The following RAI2 variants were observed in gnomAD, a reference collection of about 807,000 sequenced individuals.
RAI2 encodes the protein retinoic acid induced 2.
In RAI2, 5 loss-of-function variants were observed where a neutral mutation model predicts 15.3. That is an observed-to-expected ratio of 0.33 (90% confidence interval 0.17 to 0.69). The LOEUF (loss-of-function observed/expected upper bound fraction) is 0.69. RAI2 is among the 30% of genes least tolerant of loss of function. The pLI is 0.69. For synonymous variants in RAI2, 191 were observed against 184.0 expected (o/e 1.04, Z -0.31); for missense variants, 424 against 424.7 (o/e 1.00, Z 0.01).
chrX:17,820,085 A>C (rs753674612), intron 1 of RAI2, among the ~76,000 whole-genome samples: 2 of 111,814 alleles, frequency 1.8e-5, no homozygotes, highest in Non-Finnish European at 3.8e-5. Context: ...TGGAGAGGGG[A>C]GCTGCAGTGA....
chrX:17,850,982 C>T (rs186484182), intron 1 of RAI2, among the ~76,000 whole-genome samples: 77 of 112,724 alleles, frequency 6.8e-4, no homozygotes, highest in African/African-American at 2.4e-3. Flanking sequence ...AAATCCTGTC[C>T]GATACAGGCA....
intron 1 of RAI2, among the ~76,000 whole-genome samples, chrX:17,820,436 T>C (rs1340352214): frequency 4.5e-5 from 5 of 111,973 alleles, no homozygotes; most frequent in Non-Finnish European, 1.9e-5. Flanking sequence ...TGTGGGTCTC[T>C]GGGATGCGGC....
intron 1 of RAI2, among the ~76,000 whole-genome samples, chrX:17,837,989 C>A (rs1648375859): frequency 8.9e-6 from 1 of 112,009 alleles, no homozygotes; most frequent in African/African-American, 3.2e-5. Flanking sequence ...AGATACTACA[C>A]AGCAATAAAA....
intron 1 of RAI2, among the ~76,000 whole-genome samples, chrX:17,811,844 T>G (rs1289780147): frequency 9.0e-6 from 1 of 111,564 alleles, no homozygotes; most frequent in Admixed American, 9.5e-5. Context: ...AGGTTCAAAC[T>G]TCAGCTCTGC....
At chrX:17,842,025 G>A (rs907055065) in intron 1 of RAI2, among the ~76,000 whole-genome samples, 3 of 111,955 alleles carry the variant, frequency 2.7e-5, no homozygotes, top group Admixed American at 1.9e-4. Context: ...AGCTGCAGAC[G>A]TTGGATCTCT....
chrX:17,817,815 A>C (rs1207381999), intron 1 of RAI2, among the ~76,000 whole-genome samples: 1 of 112,460 alleles, frequency 8.9e-6, no homozygotes, highest in Non-Finnish European at 1.9e-5. Context: ...CCTTCTCCCC[A>C]CACTGGATTT....
intron 1 of RAI2, among the ~76,000 whole-genome samples, chrX:17,808,672 C>T (rs781391821): frequency 4.5e-5 from 5 of 110,285 alleles, no homozygotes; most frequent in African/African-American, 1.7e-4. Context: ...TGCCCTCACC[C>T]CCAGGAAGAC....
chrX:17,805,814 TGAGACAG>T (rs1162633714), intron 1 of RAI2, among the ~76,000 whole-genome samples: 2 of 112,473 alleles, frequency 1.8e-5, no homozygotes. Context: ...CTGCTGGCCC[TGAGACAG>T]GCTTGCCTGC....
Position 17,801,032 on chromosome X carries a change from G to C in RAI2, c.979C>G (p.Leu327Val). 5 of 1,211,649 alleles carry C rather than the reference G, an allele frequency of 4.1e-6. No individual in the cohort carries two copies. The highest frequency in any genetic ancestry group is 5.6e-6 in the Non-Finnish European group (5 of 895,426). ...LDLSMKSVPW[L>V]KAGEVSPPIF... is the part of the protein sequence containing the mutation. ...GGGGGACTGACTTCACCAGCCTTGA[G>C]CCAGGGCACTGACTTCATGGAGAGA... The change falls in exon 2 of 2, where the codon CTC becomes GTC. Residue 327 changes from leucine (L) to valine (V), a missense_variant. Transcript: ENST00000451717.
At chrX:17,847,057 TTG>T (rs2067471715) in intron 1 of RAI2, among the ~76,000 whole-genome samples, 1 of 111,924 alleles carries the variant, frequency 8.9e-6, no homozygotes, top group Non-Finnish European at 1.9e-5. Context: ...TCCACCATGA[TTG>T]TGAGGCCTCC....
intron 1 of RAI2, among the ~76,000 whole-genome samples, chrX:17,854,085 T>A (rs1002576096): frequency 5.6e-4 from 63 of 112,264 alleles, no homozygotes; most frequent in African/African-American, 1.9e-3. Flanking sequence ...CTTATTTTTT[T>A]AAAAAGACAT....
At chrX:17,822,835 C>T (rs149138064) in intron 1 of RAI2, among the ~76,000 whole-genome samples, 3 of 112,262 alleles carry the variant, frequency 2.7e-5, no homozygotes, top group East Asian at 2.8e-4. Context: ...AAGATCAAGA[C>T]AACTTGGTCC....
intron 1 of RAI2, among the ~76,000 whole-genome samples, chrX:17,812,314 A>C (rs1275823190): frequency 1.8e-5 from 2 of 111,992 alleles, no homozygotes; most frequent in Non-Finnish European, 3.8e-5. Context: ...AGCTACTAGG[A>C]ACTAAGAAGG....
chrX:17,831,595 A>G (rs185915635), intron 1 of RAI2, among the ~76,000 whole-genome samples: 129 of 112,021 alleles, frequency 1.2e-3, no homozygotes, highest in African/African-American at 3.7e-3. Context: ...TGAAAACTTG[A>G]AGAAGGTTTT....
intron 1 of RAI2, among the ~76,000 whole-genome samples, chrX:17,807,029 C>T (rs1467212687): frequency 9.0e-6 from 1 of 111,389 alleles, no homozygotes; most frequent in East Asian, 2.8e-4. Context: ...CAAAGCCAAA[C>T]CATATCATGG....
intron 1 of RAI2, among the ~76,000 whole-genome samples, chrX:17,848,782 C>T (rs773532994): frequency 8.9e-6 from 1 of 112,263 alleles, no homozygotes; most frequent in Admixed American, 9.4e-5. Context: ...CTTTTCTGCC[C>T]TGTTTAATTA....
At chrX:17,815,403 A>G (rs2067096563) in intron 1 of RAI2, among the ~76,000 whole-genome samples, 1 of 110,328 alleles carries the variant, frequency 9.1e-6, no homozygotes, top group Non-Finnish European at 1.9e-5. Flanking sequence ...TTGTCCCTCT[A>G]ATAGTCAAGG....
chrX:17,818,404 C>T (rs2067128819), intron 1 of RAI2, among the ~76,000 whole-genome samples: 2 of 112,186 alleles, frequency 1.8e-5, no homozygotes, highest in South Asian at 3.7e-4. Context: ...GGAGGGGAAG[C>T]TCAAGTTCTA....
At chrX:17,858,427 T>C (rs937945171) in intron 1 of RAI2, among the ~76,000 whole-genome samples, 4 of 112,268 alleles carry the variant, frequency 3.6e-5, no homozygotes, top group African/African-American at 1.3e-4. Context: ...TCTCCAAAAT[T>C]CTAAGCTTAG....
Sources: allele counts gnomAD v4.1 joint callset (sites outside exome capture counted in the v4.1 genomes callset), GRCh38; gene constraint gnomAD v4.1.1; transcripts MANE v1.5; gene names NCBI Gene and HGNC (gene_info 2026-07-23, HGNC 2026-07-21).